The following GRIP2 variants were observed in gnomAD, a reference collection of about 807,000 sequenced individuals.
GRIP2 encodes the protein glutamate receptor-interacting protein 2.
In GRIP2, 58 loss-of-function variants were observed where a neutral mutation model predicts 108.3. The observed-to-expected ratio is 0.54, with a 90% CI of 0.43 to 0.67. GRIP2 has a LOEUF of 0.67. Among genes scored for constraint, GRIP2 ranks in the 30% least tolerant of loss-of-function variants. The pLI, the probability that GRIP2 is intolerant of heterozygous loss-of-function variation, is 0.00. For missense variants in GRIP2, 1,278 were observed against 1,430.6 expected (o/e 0.89, Z 1.72); for synonymous variants, 586 against 598.2 (o/e 0.98, Z 0.30).
chr3:14,527,231 G>T lies in GRIP2; in HGVS notation c.41-1300C>A, dbSNP rs905101149. On this transcript the variant is annotated intron_variant, in intron 1 of 23. Transcript: ENST00000621039. ...GACAGAGACAGAAGAGAGAGAGGGG[G>T]TGAGAAAGAAGGAAGAAAGGGAAGG... Among the ~76,000 whole-genome samples, 6 of 149,156 alleles carry T rather than the reference G, an allele frequency of 4.0e-5. No individual in the cohort carries two copies. In the Admixed American group the frequency reaches 4.1e-4, roughly 10 times the overall value.
intron 17 of GRIP2, 23 bp downstream of exon 17, chr3:14,509,797 G>T: frequency 7.0e-7 from 1 of 1,434,102 alleles, no homozygotes; most frequent in Non-Finnish European, 9.2e-7. Flanking sequence ...CCCACCATGC[G>T]TCCCCACAGA....
In GRIP2 at chr3:14,523,698, G is replaced by A. The variant is rs889260534; in HGVS notation, c.404C>T (p.Ala135Val). ...AATGATCCTGGGGTTATTCTCAGGAGCTGGGGAGAAATGGAGGACTCCTTT... is the reference window on the plus strand; with the variant it reads ...AATGATCCTGGGGTTATTCTCAGGAACTGGGGAGAAATGGAGGACTCCTTT... ...LEVEYELPPP[A>V]PENNPRIISK... is the part of the protein sequence containing the mutation. The change falls in exon 5 of 24, where the codon GCT becomes GTT. Residue 135 changes from alanine (A) to valine (V), a missense_variant and splice_region_variant. Transcript: ENST00000621039. 1.6e-5 allele frequency: 26 copies of A among 1,606,224 alleles called. No individual in the cohort carries two copies. The highest frequency in any genetic ancestry group is 1.7e-5 in the Non-Finnish European group (20 of 1,175,196).
Position 14,490,014 on chromosome 3 carries a change from C to CT in GRIP2, c.*3650_*3651insA, listed in dbSNP as rs1320056423. 1 of 152,200 alleles carries CT rather than the reference C, an allele frequency of 6.6e-6. No homozygotes were observed. Among genetic ancestry groups the CT allele is most frequent in the African/African-American group, 2.4e-5 (1 of 41,432 alleles). The allele number at this position is 152,200 out of a possible 1,614,324, so 9.4% of individuals were successfully genotyped here. On this transcript the variant is annotated 3_prime_UTR_variant, in exon 24 of 24. Coordinates refer to ENST00000621039, the MANE Select transcript of GRIP2 (RefSeq NM_001080423.4). ...TCGGGAGTCAGTTGAGCCCTTTGCCCAACTAACCAGACAAAATTCTCAGTA... is the reference window on the plus strand; with the variant it reads ...TCGGGAGTCAGTTGAGCCCTTTGCCCTAACTAACCAGACAAAATTCTCAGTA...
chr3:14,505,676 T>A lies in GRIP2; in HGVS notation c.2512A>T (p.Thr838Ser), dbSNP rs780256510. ...TCTGGAAAGCTCTCGTCAGCTGGGG[T>A]TGGGGTATAGCTCGTCCTCCGGGGC... ...TEPRRTSYTP[T>S]PADESFPEEE... Residue 838 changes from threonine to serine, a missense_variant, in exon 20 of 24, where the codon ACC becomes TCC. Transcript: ENST00000621039. The surrounding 1 kb of genome is among the most constrained non-coding windows in gnomAD (Gnocchi z 4.2). 1 of 1,606,758 alleles carries A rather than the reference T, an allele frequency of 6.2e-7. No individual in the cohort carries two copies. Among genetic ancestry groups the A allele is most frequent in the Non-Finnish European group, 8.5e-7 (1 of 1,176,734 alleles).
intron 5 of GRIP2, 62 bp downstream of exon 5, chr3:14,523,550 C>G (rs1365653074): frequency 3.9e-6 from 4 of 1,038,484 alleles, no homozygotes; most frequent in Middle Eastern, 2.0e-4. Context: ...ACAGCACACA[C>G]ATGGAATTAG....
At chr3:14,573,071 G>T in the GRIP2 span, 3 of 1,393,474 alleles carry the variant, frequency 2.2e-6, no homozygotes, top group Admixed American at 3.4e-5. Context: ...AGGCGAAGGA[G>T]AGAAAGAGGC....
intron 8 of GRIP2, 44 bp from the exon 9 acceptor site, chr3:14,520,323 AC>A: frequency 6.2e-7 from 1 of 1,611,352 alleles, no homozygotes; most frequent in Non-Finnish European, 8.5e-7. Flanking sequence ...TCCAGGCCAG[AC>A]AAAGCTCTGG....
chr3:14,512,706 G>A lies in GRIP2; in HGVS notation c.1720+71C>T. 1 of 1,445,332 alleles carries A rather than the reference G, an allele frequency of 6.9e-7. No individual in the cohort carries two copies. Among genetic ancestry groups the A allele is most frequent in the South Asian group, 1.2e-5 (1 of 84,792 alleles). 89.5% of individuals were successfully genotyped at this position (1,445,332 alleles called of 1,614,324 possible). A position where few individuals can be genotyped will look rare whatever the true frequency, so the allele number is the denominator to read the frequency against. On this transcript the variant is annotated intron_variant, in intron 14 of 23. Coordinates refer to ENST00000621039, the MANE Select transcript of GRIP2 (RefSeq NM_001080423.4). This position sits in a 1 kb window ranked among gnomAD's most constrained non-coding sequence, Gnocchi z 5.1. ...TCACGCCATGGAAATGCTGGTCTGAGCTTGGCAAGCTCTTTTTCCCCAGCA... is the reference window on the plus strand; with the variant it reads ...TCACGCCATGGAAATGCTGGTCTGAACTTGGCAAGCTCTTTTTCCCCAGCA...
the GRIP2 span, chr3:14,574,014 A>AG: frequency 7.4e-7 from 1 of 1,347,860 alleles, no homozygotes; most frequent in African/African-American, 1.4e-5. Flanking sequence ...CAGGTGGATG[A>AG]GGGCCTCCGA....
intron 1 of GRIP2, among the ~76,000 whole-genome samples, chr3:14,548,744 A>G (rs1695096412): frequency 6.6e-6 from 1 of 152,230 alleles, no homozygotes; most frequent in Admixed American, 6.5e-5. Context: ...TGGGATAGAC[A>G]TTGCAGTTCC....
the GRIP2 span, chr3:14,573,677 G>T: frequency 6.8e-7 from 1 of 1,462,954 alleles, no homozygotes; most frequent in Non-Finnish European, 9.5e-7. Flanking sequence ...GGTTCCCGGG[G>T]TTGTTTCTGG....
At chr3:14,572,779 G>A in the GRIP2 span, 1 of 622,660 alleles carries the variant, frequency 1.6e-6, no homozygotes, top group Non-Finnish European at 2.8e-6. Flanking sequence ...TGGTAAGCCT[G>A]TGAGGCTCAG....
intron 20 of GRIP2, chr3:14,503,987 A>T (rs1693845424): frequency 5.3e-6 from 2 of 379,474 alleles, no homozygotes; most frequent in Non-Finnish European, 9.8e-6. Context: ...ACAGACGAAC[A>T]GACAGAGAGG....
chr3:14,539,786 C>T (rs977565976), intron 1 of GRIP2, among the ~76,000 whole-genome samples: 1 of 152,132 alleles, frequency 6.6e-6, no homozygotes, highest in African/African-American at 2.4e-5. Context: ...CAGTCAGACC[C>T]CCAAACCAGA....
chr3:14,515,299 T>C (rs1408874984), intron 11 of GRIP2, among the ~76,000 whole-genome samples: 2 of 152,232 alleles, frequency 1.3e-5, no homozygotes, highest in Admixed American at 6.5e-5. Flanking sequence ...ACTATGAACA[T>C]TTGTGTATAA....
upstream of GRIP2, among the ~76,000 whole-genome samples, chr3:14,540,801 G>C (rs1463141116): frequency 6.6e-6 from 1 of 152,168 alleles, no homozygotes; most frequent in African/African-American, 2.4e-5. The surrounding 1 kb of genome is among the most constrained non-coding windows in gnomAD (Gnocchi z 4.1). Context: ...ACAATGCCAG[G>C]GCGTCTCTGT....
At chr3:14,525,956 C>T (rs746269748) in intron 1 of GRIP2, 25 bp from the exon 2 acceptor site, 4 of 1,544,364 alleles carry the variant, frequency 2.6e-6, no homozygotes, top group Admixed American at 2.0e-5. Context: ...GAGGGAAAGG[C>T]CGAGTTCCAC....
the GRIP2 span, among the ~76,000 whole-genome samples, chr3:14,583,147 G>A: frequency 2.0e-5 from 3 of 152,140 alleles, no homozygotes; most frequent in East Asian, 5.8e-4. Context: ...CGGCTCTGGG[G>A]GTGGCAGTTC....
At chr3:14,541,312 G>A (rs939520550), upstream of GRIP2, among the ~76,000 whole-genome samples, 1 of 152,230 alleles carries the variant, frequency 6.6e-6, no homozygotes, top group Non-Finnish European at 1.5e-5. Context: ...AATGGTGGAT[G>A]TCAACAACCT....
Sources: allele counts gnomAD v4.1 joint callset (sites outside exome capture counted in the v4.1 genomes callset), GRCh38; gene constraint gnomAD v4.1.1; non-coding constraint Gnocchi (gnomAD v3.1); transcripts MANE v1.5; gene names NCBI Gene and HGNC (gene_info 2026-07-23, HGNC 2026-07-21).